The following STK10 variants were observed in gnomAD, a reference collection of about 807,000 sequenced individuals.
The protein encoded by STK10 is serine/threonine-protein kinase 10.
A neutral mutation model predicts 113.8 loss-of-function variants in STK10; 78 were observed. That is an observed-to-expected ratio of 0.69 (90% CI 0.57 to 0.83). The LOEUF is 0.83. Among genes scored for constraint, STK10 ranks in the 40% least tolerant of loss-of-function variants. STK10 has a pLI of 0.00. For missense variants in STK10, 1,109 were observed against 1,280.1 expected (o/e 0.87, Z 2.04); for synonymous variants, 465 against 494.7 (o/e 0.94, Z 0.80).
At chr5:172,142,712 G>A (rs935199241) in intron 2 of STK10, among the ~76,000 whole-genome samples, 1 of 152,210 alleles carries the variant, frequency 6.6e-6, no homozygotes. Flanking sequence ...GTCAATGCTT[G>A]ATAAATGTTA....
intron 13 of STK10, 93 bp from the exon 14 acceptor site, chr5:172,061,361 G>C: frequency 6.8e-7 from 1 of 1,478,016 alleles, no homozygotes; most frequent in Admixed American, 2.4e-5. Context: ...CGCGTGATCA[G>C]AGAAGAAAAT....
intron 4 of STK10, chr5:172,114,473 A>ATATATATATATTTTTT (rs1226289994): frequency 6.3e-5 from 3 of 47,536 alleles, no homozygotes; most frequent in Admixed American, 3.5e-4. Flanking sequence ...ATATATATAT[A>ATATATATATATTTTTT]TTTTTTTTTT....
At chr5:172,154,025 A>C (rs1443478350) in intron 2 of STK10, among the ~76,000 whole-genome samples, 1 of 152,130 alleles carries the variant, frequency 6.6e-6, no homozygotes, top group African/African-American at 2.4e-5. Flanking sequence ...GTCCTCTCAA[A>C]CCTGACTTCT....
chr5:172,174,145 C>T (rs1770711519), intron 1 of STK10, among the ~76,000 whole-genome samples: 1 of 152,046 alleles, frequency 6.6e-6, no homozygotes. Flanking sequence ...CTTTCAATTG[C>T]TCAGCAGGTA....
At chr5:172,091,977 C>A (rs1768720787) in intron 9 of STK10, among the ~76,000 whole-genome samples, 1 of 151,224 alleles carries the variant, frequency 6.6e-6, no homozygotes, top group Non-Finnish European at 1.5e-5. Context: ...TCGAGAGGGG[C>A]AGACTGTTTT....
At chr5:172,107,120 A>C (rs900989940) in intron 5 of STK10, 21 of 291,486 alleles carry the variant, frequency 7.2e-5, no homozygotes, top group East Asian at 6.1e-4. Context: ...CGGAGCAAAA[A>C]AAAAGGGGCG....
At chr5:172,140,654 G>C (rs1180512137) in intron 2 of STK10, among the ~76,000 whole-genome samples, 1 of 152,144 alleles carries the variant, frequency 6.6e-6, no homozygotes, top group Non-Finnish European at 1.5e-5. Flanking sequence ...CCAAGATTGT[G>C]CCACTGCACT....
At chr5:172,131,465 C>T (rs12716277) in intron 2 of STK10, among the ~76,000 whole-genome samples, 46,724 of 152,090 alleles carry the variant, frequency 0.31, 8,358 homozygotes, top group African/African-American at 0.5. Flanking sequence ...AGGTCAGCAC[C>T]AGGAAAGCTC....
intron 12 of STK10, among the ~76,000 whole-genome samples, chr5:172,065,590 C>A (rs114967350): frequency 6.6e-6 from 1 of 152,088 alleles, no homozygotes; most frequent in Non-Finnish European, 1.5e-5. Context: ...CATCCCTACC[C>A]CCGCTGGCCC....
At chr5:172,096,177 T>C (rs974152918) in intron 8 of STK10, among the ~76,000 whole-genome samples, 9 of 152,224 alleles carry the variant, frequency 5.9e-5, no homozygotes, top group Non-Finnish European at 1.2e-4. Context: ...GAAGATTTCA[T>C]GTGAAAATCT....
chr5:172,119,124 G>A (rs1239864236), intron 3 of STK10, among the ~76,000 whole-genome samples: 1 of 152,116 alleles, frequency 6.6e-6, no homozygotes, highest in Non-Finnish European at 1.5e-5. Context: ...AGATCACTCA[G>A]TGTCCACCGA....
intron 3 of STK10, among the ~76,000 whole-genome samples, chr5:172,126,550 TGA>T (rs1769623334): frequency 6.6e-6 from 1 of 151,492 alleles, no homozygotes; most frequent in Non-Finnish European, 1.5e-5. Context: ...GGCAACAGAG[TGA>T]GACTCCATCT....
chr5:172,137,323 A>G (rs1561821372), intron 2 of STK10, among the ~76,000 whole-genome samples: 1 of 152,170 alleles, frequency 6.6e-6, no homozygotes, highest in African/African-American at 2.4e-5. Context: ...AATACTTGCG[A>G]ATCATATTCA....
chr5:172,048,112 C>T lies in STK10; in HGVS notation c.2767-3090G>A, dbSNP rs562054909. On this transcript the variant is annotated intron_variant, in intron 18 of 18. Transcript: ENST00000176763. ...TTTATGTGTCAGCTTGGCAAGGCCA[C>T]GGTATCCACCTGTTTGGTCAAACAC... 1.2e-4 allele frequency among the ~76,000 whole-genome samples: 18 copies of T among 152,188 alleles called. No individual in the cohort carries two copies. The East Asian group carries it at 2.3e-3, about 20-fold the overall frequency.
rs543697691 is a variant in STK10, at chr5:172,050,048, C to T, written c.2766+2881G>A. Among the ~76,000 whole-genome samples the T allele has an allele frequency of 2.0e-5, 3 of 152,350 alleles. No homozygotes were observed. In the South Asian group the frequency reaches 6.2e-4, roughly 32 times the overall value. On this transcript the variant is annotated intron_variant, in intron 18 of 18. Coordinates refer to ENST00000176763, the MANE Select transcript of STK10 (RefSeq NM_005990.4). ...GAACTCTTAACCTCAGGTGATCCAC[C>T]CGCCTTGGCCTCCCAAAGTGCTGGG...
intron 7 of STK10, among the ~76,000 whole-genome samples, chr5:172,099,793 GAAAT>G (rs747988023): frequency 2.6e-5 from 4 of 152,250 alleles, no homozygotes; most frequent in South Asian, 2.1e-4. Flanking sequence ...AGACGCGGCA[GAAAT>G]AAATAAACAC....
intron 10 of STK10, among the ~76,000 whole-genome samples, chr5:172,088,315 G>A (rs1012741546): frequency 6.6e-6 from 1 of 152,110 alleles, no homozygotes; most frequent in African/African-American, 2.4e-5. Flanking sequence ...CACAAGGTCA[G>A]GAGTTTGAGA....
chr5:172,055,870 C>G, intron 15 of STK10, 94 bp from the exon 16 acceptor site: 1 of 1,103,510 alleles, frequency 9.1e-7, no homozygotes, highest in Non-Finnish European at 1.2e-6. Flanking sequence ...ACTCAGGGGC[C>G]CAGGACCAAC....
In STK10 at chr5:172,082,543, C is replaced by A; in HGVS notation, c.1810-38G>T. The A allele has an allele frequency of 6.5e-7, 1 of 1,537,578 alleles. No homozygotes were observed. The highest frequency in any genetic ancestry group is 1.3e-5 in the South Asian group (1 of 78,394). On this transcript the variant is annotated intron_variant, in intron 11 of 18. Coordinates refer to ENST00000176763, the MANE Select transcript of STK10 (RefSeq NM_005990.4). The surrounding 1 kb of genome is among the most constrained non-coding windows in gnomAD (Gnocchi z 4.3). ...GAAATTCTGAGAAACTTAGCGAAGT[C>A]ACTTTATACCTGGGAGGGACATGGG...
Sources: allele counts gnomAD v4.1 joint callset (sites outside exome capture counted in the v4.1 genomes callset), GRCh38; gene constraint gnomAD v4.1.1; non-coding constraint Gnocchi (gnomAD v3.1); transcripts MANE v1.5; gene names NCBI Gene and HGNC (gene_info 2026-07-23, HGNC 2026-07-21).